The following PLEKHA7 variants were observed in gnomAD, a reference collection of about 807,000 sequenced individuals.
PLEKHA7 encodes pleckstrin homology domain containing A7.
In PLEKHA7, 104 loss-of-function variants were observed where a neutral mutation model predicts 170.0. The ratio of observed to expected loss-of-function variants is 0.61; its 90% CI spans 0.52 to 0.72. The LOEUF is 0.72. Among genes scored for constraint, PLEKHA7 ranks in the 30% least tolerant of loss-of-function variants. The pLI is 0.00. For missense variants in PLEKHA7, 1,615 were observed against 1,671.7 expected (o/e 0.97, Z 0.59); for synonymous variants, 648 against 660.8 (o/e 0.98, Z 0.30).
At chr11:16,954,413 A>G (rs1861580482) in intron 3 of PLEKHA7, among the ~76,000 whole-genome samples, 1 of 152,022 alleles carries the variant, frequency 6.6e-6, no homozygotes, top group Non-Finnish European at 1.5e-5. Flanking sequence ...GCACACCTAT[A>G]GTCTCAGTTA....
chr11:16,960,157 G>A (rs537476449), intron 3 of PLEKHA7, among the ~76,000 whole-genome samples: 14 of 152,278 alleles, frequency 9.2e-5, no homozygotes, highest in African/African-American at 3.4e-4. Context: ...GTTCCTTTCA[G>A]GGGCCCCCTT....
chr11:16,839,112 A>T (rs551409526), intron 9 of PLEKHA7, among the ~76,000 whole-genome samples: 1 of 152,310 alleles, frequency 6.6e-6, no homozygotes, highest in South Asian at 2.1e-4. Context: ...AAAAATTTTA[A>T]ATACAGGTTT....
At chr11:17,003,176 AGATGGGGTTTCTCCAT>A (rs1365384146) in intron 3 of PLEKHA7, among the ~76,000 whole-genome samples, 5 of 152,146 alleles carry the variant, frequency 3.3e-5, no homozygotes, top group Admixed American at 6.6e-5. Flanking sequence ...TTTTTAGTAG[AGATGGGGTTTCTCCAT>A]GTTGGTCAGG....
At chr11:16,894,566 A>G (rs1321733587) in intron 3 of PLEKHA7, among the ~76,000 whole-genome samples, 1 of 150,622 alleles carries the variant, frequency 6.6e-6, no homozygotes, top group East Asian at 2.0e-4. Context: ...GTGGCTTTGG[A>G]GCCTGAACTA....
intron 3 of PLEKHA7, among the ~76,000 whole-genome samples, chr11:16,962,109 C>G (rs761102016): frequency 2.0e-5 from 3 of 152,218 alleles, no homozygotes; most frequent in Admixed American, 1.3e-4. Flanking sequence ...GTGCCCTGTG[C>G]TTCAGATGAG....
chr11:16,866,752 T>C (rs534369959), intron 4 of PLEKHA7, among the ~76,000 whole-genome samples: 3 of 152,310 alleles, frequency 2.0e-5, no homozygotes, highest in African/African-American at 4.8e-5. Flanking sequence ...ATATGACTGA[T>C]ACAGGAACAA....
At chr11:16,950,941 A>C (rs1301440306) in intron 3 of PLEKHA7, among the ~76,000 whole-genome samples, 3 of 152,130 alleles carry the variant, frequency 2.0e-5, no homozygotes, top group Admixed American at 6.5e-5. Flanking sequence ...CTTGGCATTC[A>C]TTGCACTGTG....
intron 3 of PLEKHA7, among the ~76,000 whole-genome samples, chr11:16,875,609 G>A (rs1365862316): frequency 1.3e-5 from 2 of 151,788 alleles, no homozygotes; most frequent in African/African-American, 2.4e-5. Context: ...CACCATGCCC[G>A]GCTAATTTTT....
chr11:16,867,620 A>G (rs1565041822), intron 4 of PLEKHA7, among the ~76,000 whole-genome samples: 2 of 152,146 alleles, frequency 1.3e-5, no homozygotes, highest in Non-Finnish European at 2.9e-5. Flanking sequence ...ATCATGCCTC[A>G]CTCACCCTCC....
intron 3 of PLEKHA7, among the ~76,000 whole-genome samples, chr11:16,918,783 T>C (rs1037053489): frequency 6.6e-6 from 1 of 152,196 alleles, no homozygotes; most frequent in Non-Finnish European, 1.5e-5. Context: ...TTCCTTTAAA[T>C]AGACCACAAG....
intron 3 of PLEKHA7, among the ~76,000 whole-genome samples, chr11:16,982,100 G>T (rs921668875): frequency 1.3e-5 from 2 of 152,186 alleles, no homozygotes; most frequent in Non-Finnish European, 2.9e-5. Context: ...AGGCTGGGGG[G>T]AACAAGTCTC....
Position 16,791,813 on chromosome 11 carries a change from A to G in PLEKHA7, c.2746-614T>C. On this transcript the variant is annotated intron_variant, in intron 19 of 26. Transcript: ENST00000531066. This position sits in a 1 kb window ranked among gnomAD's most constrained non-coding sequence, Gnocchi z 4.5. ...TGACTCACTGCCTACCATGCAGTTC[A>G]TTCCCTAGAATGTGATGAATGCAAC... The G allele has an allele frequency of 2.6e-6, 1 of 391,944 alleles. No homozygotes were observed. The highest frequency in any genetic ancestry group is 7.2e-5 in the East Asian group (1 of 13,840). 24.3% of individuals were successfully genotyped at this position (391,944 alleles called of 1,614,324 possible).
Position 16,834,354 on chromosome 11 carries a change from G to A in PLEKHA7, c.872+7193C>T, listed in dbSNP as rs560636586. 3.3e-5 allele frequency among the ~76,000 whole-genome samples: 5 copies of A among 152,294 alleles called. No homozygotes were observed. The South Asian group carries it at 6.2e-4, about 19-fold the overall frequency. ...TAAAAGACTAAATGGATGAATGCAT[G>A]AACAAATGCACCAATTCAAGTTGAT... On this transcript the variant is annotated intron_variant, in intron 9 of 26. Coordinates refer to ENST00000531066, the MANE Select transcript of PLEKHA7 (RefSeq NM_001329630.2).
At chr11:16,787,958 A>C (rs1849514367) in intron 23 of PLEKHA7, 1 of 152,230 alleles carries the variant, frequency 6.6e-6, no homozygotes, top group Non-Finnish European at 1.5e-5. Flanking sequence ...CCTTCAAGTT[A>C]TTAAATACCA....
At chr11:16,854,126 AGAATGGAT>A (rs775066862) in intron 6 of PLEKHA7, among the ~76,000 whole-genome samples, 5 of 152,234 alleles carry the variant, frequency 3.3e-5, no homozygotes, top group Non-Finnish European at 7.3e-5. Context: ...GGCACTTTGC[AGAATGGAT>A]GAATGAATGA....
chr11:16,901,732 A>C (rs7942959), intron 3 of PLEKHA7, among the ~76,000 whole-genome samples: 3,258 of 152,250 alleles, frequency 0.021, 111 homozygotes, highest in African/African-American at 0.074. Context: ...TTAGCTGGGT[A>C]TGGTGGTGCA....
chr11:16,952,861 A>T (rs1861490485), intron 3 of PLEKHA7, among the ~76,000 whole-genome samples: 1 of 152,258 alleles, frequency 6.6e-6, no homozygotes, highest in Admixed American at 6.5e-5. Flanking sequence ...TTGACTTTAA[A>T]AACACAAGAG....
chr11:16,822,356 G>A (rs1002984519), intron 10 of PLEKHA7, among the ~76,000 whole-genome samples: 2 of 151,960 alleles, frequency 1.3e-5, no homozygotes, highest in South Asian at 2.1e-4. Flanking sequence ...GGTAATTCAG[G>A]TTTGCCCATC....
chr11:16,971,206 C>T (rs942523454), intron 3 of PLEKHA7, among the ~76,000 whole-genome samples: 13 of 152,102 alleles, frequency 8.5e-5, no homozygotes, highest in African/African-American at 3.1e-4. Flanking sequence ...AATTTCTTCA[C>T]CAATAAAAGG....
Sources: gnomAD v4.1 joint callset for allele counts (sites outside exome capture counted in the v4.1 genomes callset) on GRCh38, gnomAD v4.1.1 for gene constraint, Gnocchi (gnomAD v3.1) non-coding constraint, MANE v1.5 for transcripts, NCBI Gene and HGNC (gene_info 2026-07-23, HGNC 2026-07-21) for gene names.